NELL2: variants seen among roughly 807,000 people sequenced by gnomAD.
NELL2 encodes the protein protein kinase C-binding protein NELL2.
NELL2 carries 41 observed loss-of-function variants against 109.6 expected under a neutral mutation model. The observed-to-expected ratio is 0.37, with a 90% CI of 0.29 to 0.49. The LOEUF (loss-of-function observed/expected upper bound fraction) is 0.49, where lower values mean the gene tolerates loss of function less well. NELL2 is among the 20% of genes least tolerant of loss of function. The pLI is 0.98. For synonymous variants in NELL2, 355 were observed against 344.7 expected (o/e 1.03, Z -0.33); for missense variants, 900 against 1,008.3 (o/e 0.89, Z 1.45).
chr12:44,661,560 A>T (rs768281298), intron 13 of NELL2, among the ~76,000 whole-genome samples: 7 of 152,110 alleles, frequency 4.6e-5, no homozygotes, highest in Non-Finnish European at 1.0e-4. Flanking sequence ...GATATTTGCC[A>T]CTGGTAACAA....
In NELL2 at chr12:44,739,743, T is replaced by C. The variant is rs11182625; in HGVS notation, c.995-25002A>G. On this transcript the variant is annotated intron_variant, in intron 9 of 19. Transcript: ENST00000429094. ...TCATCTCTAATAAAAATACAAAAATTAGCTGGGTGTGGTGGCAGGCACCTG... is the reference window on the plus strand; with the variant it reads ...TCATCTCTAATAAAAATACAAAAATCAGCTGGGTGTGGTGGCAGGCACCTG... Among the ~76,000 whole-genome samples, 205 of 152,082 alleles carry C rather than the reference T, an allele frequency of 1.3e-3. 4 individuals are homozygous for C. In the East Asian group the frequency reaches 0.03, roughly 23 times the overall value.
chr12:44,515,799 A>T (rs1941233966), intron 19 of NELL2, among the ~76,000 whole-genome samples: 1 of 151,986 alleles, frequency 6.6e-6, no homozygotes. Context: ...TTGTTAAAGA[A>T]GTCCTTGCCA....
chr12:44,569,224 T>C (rs1470114844), intron 15 of NELL2, among the ~76,000 whole-genome samples: 2 of 152,156 alleles, frequency 1.3e-5, no homozygotes, highest in Non-Finnish European at 2.9e-5. Context: ...CATTCTTTTT[T>C]ATGGCGGCAT....
chr12:44,710,902 C>T (rs565667469), intron 11 of NELL2, among the ~76,000 whole-genome samples: 52 of 152,086 alleles, frequency 3.4e-4, no homozygotes, highest in Admixed American at 9.8e-4. Flanking sequence ...TAAAAAGAAG[C>T]TGAGGAGAAA....
intron 9 of NELL2, among the ~76,000 whole-genome samples, chr12:44,743,611 C>A (rs558076126): frequency 6.6e-6 from 1 of 152,044 alleles, no homozygotes; most frequent in African/African-American, 2.4e-5. Context: ...GAAGATCTAC[C>A]AAGCAAATGG....
At chr12:44,806,458 A>G (rs910622331) in intron 3 of NELL2, among the ~76,000 whole-genome samples, 3 of 151,918 alleles carry the variant, frequency 2.0e-5, no homozygotes, top group African/African-American at 7.2e-5. Flanking sequence ...ATACACATAC[A>G]TATTTCATAA....
intron 15 of NELL2, among the ~76,000 whole-genome samples, chr12:44,588,771 CAATGTTTTGT>C (rs1248433240): frequency 6.6e-6 from 1 of 152,168 alleles, no homozygotes; most frequent in East Asian, 1.9e-4. Flanking sequence ...ACTATATTCA[CAATGTTTTGT>C]AACCATTATC....
intron 9 of NELL2, among the ~76,000 whole-genome samples, chr12:44,765,199 T>C (rs1941280273): frequency 6.6e-6 from 1 of 152,252 alleles, no homozygotes; most frequent in African/African-American, 2.4e-5. Flanking sequence ...GTTAAAATCA[T>C]AAATAATTAT....
At chr12:44,764,032 G>A (rs11182655) in intron 9 of NELL2, among the ~76,000 whole-genome samples, 33,305 of 151,956 alleles carry the variant, frequency 0.22, 3,905 homozygotes, top group East Asian at 0.26. Flanking sequence ...TAAAGGCCTG[G>A]GAAATTAGAC....
At chr12:44,524,406 T>C (rs1227025969) in intron 16 of NELL2, among the ~76,000 whole-genome samples, 1 of 152,176 alleles carries the variant, frequency 6.6e-6, no homozygotes. Context: ...ATTTCATCAG[T>C]TGCCTCTGAG....
intron 15 of NELL2, among the ~76,000 whole-genome samples, chr12:44,597,737 C>A (rs930775821): frequency 6.6e-6 from 1 of 152,066 alleles, no homozygotes; most frequent in Non-Finnish European, 1.5e-5. Context: ...TCTCTACTTT[C>A]CATGGAACTC....
chr12:44,508,897 A>T lies in NELL2; in HGVS notation c.*37T>A, dbSNP rs370452957. ...CTTTTTGGTCTTTTAATGAAAGAACATTCTTTTAACAGAAATCTCCCATGA... is the reference window on the plus strand; with the variant it reads ...CTTTTTGGTCTTTTAATGAAAGAACTTTCTTTTAACAGAAATCTCCCATGA... On this transcript the variant is annotated 3_prime_UTR_variant, in exon 20 of 20. Coordinates refer to ENST00000429094, the MANE Select transcript of NELL2 (RefSeq NM_001145108.2). The T allele has an allele frequency of 8.3e-6, 13 of 1,573,066 alleles. No individual in the cohort carries two copies. The highest frequency in any genetic ancestry group is 1.1e-5 in the Non-Finnish European group (13 of 1,153,130).
chr12:44,828,345 A>G (rs1045300644), intron 2 of NELL2, among the ~76,000 whole-genome samples: 2 of 152,110 alleles, frequency 1.3e-5, no homozygotes, highest in African/African-American at 2.4e-5. Flanking sequence ...AGGAGAGAAC[A>G]AAAACATACT....
chr12:44,622,777 C>T (rs944849835), intron 13 of NELL2, among the ~76,000 whole-genome samples: 1 of 152,070 alleles, frequency 6.6e-6, no homozygotes, highest in African/African-American at 2.4e-5. Context: ...AGAAACCTAT[C>T]AGTGTTTTCA....
intron 12 of NELL2, among the ~76,000 whole-genome samples, chr12:44,686,284 C>T (rs533084393): frequency 4.6e-5 from 7 of 152,322 alleles, no homozygotes; most frequent in African/African-American, 1.7e-4. Context: ...CTAAGCACTT[C>T]TCTGTATTGG....
intron 19 of NELL2, among the ~76,000 whole-genome samples, chr12:44,517,017 T>C (rs1941297408): frequency 6.6e-6 from 1 of 151,146 alleles, no homozygotes. Flanking sequence ...TTTTGATAAA[T>C]ATTTAATTAT....
chr12:44,868,048 A>G (rs1412492453), intron 2 of NELL2, among the ~76,000 whole-genome samples: 3 of 141,290 alleles, frequency 2.1e-5, no homozygotes, highest in Non-Finnish European at 4.5e-5. Context: ...TGAACCTAGG[A>G]GGCAGAGGTT....
intron 9 of NELL2, among the ~76,000 whole-genome samples, chr12:44,773,755 G>A (rs1941642044): frequency 6.6e-6 from 1 of 152,140 alleles, no homozygotes; most frequent in African/African-American, 2.4e-5. Context: ...ACAGTCTTAT[G>A]AGACGGACTG....
At chr12:44,850,701 T>C (rs1246724991) in intron 2 of NELL2, among the ~76,000 whole-genome samples, 1 of 152,108 alleles carries the variant, frequency 6.6e-6, no homozygotes, top group East Asian at 1.9e-4. Context: ...CATTGCAAAA[T>C]CTGCCAAACT....
Sources: allele counts gnomAD v4.1 joint callset (sites outside exome capture counted in the v4.1 genomes callset), GRCh38; gene constraint gnomAD v4.1.1; transcripts MANE v1.5; gene names NCBI Gene and HGNC (gene_info 2026-07-23, HGNC 2026-07-21).